Variants in KIAA1328 observed in about 807,000 individuals in gnomAD.
The protein encoded by KIAA1328 is protein hinderin.
A neutral mutation model predicts 68.1 loss-of-function variants in KIAA1328; 52 were observed. The ratio of observed to expected loss-of-function variants is 0.76; its 90% CI spans 0.61 to 0.96. The LOEUF (loss-of-function observed/expected upper bound fraction) is 0.96, where lower values mean the gene tolerates loss of function less well. Ranked by LOEUF, KIAA1328 falls within the 40% of genes least tolerant of loss-of-function variation. The probability of loss-of-function intolerance (pLI) is 0.00; values close to 1 mark genes in which losing one functional copy is unlikely to be tolerated. For missense variants in KIAA1328, 641 were observed against 677.6 expected (o/e 0.95, Z 0.60); for synonymous variants, 232 against 239.4 (o/e 0.97, Z 0.28).
Position 37,016,245 on chromosome 18 carries a change from C to T in KIAA1328, c.577-50645C>T, listed in dbSNP as rs77842414. 9.1e-3 allele frequency among the ~76,000 whole-genome samples: 1,381 copies of T among 152,170 alleles called. 29 individuals carry two copies. Among genetic ancestry groups the T allele is most frequent in the African/African-American group, 0.031 (1,299 of 41,534 alleles). Reference sequence around the variant, plus strand: ...TTATTGAAAGCTATTTTGCATCTATCGAGATGATCATATGGTTTTTGTTTT... The same window carrying T: ...TTATTGAAAGCTATTTTGCATCTATTGAGATGATCATATGGTTTTTGTTTT... On this transcript the variant is annotated intron_variant, in intron 6 of 9. Coordinates refer to ENST00000280020, the MANE Select transcript of KIAA1328 (RefSeq NM_020776.3).
chr18:36,951,596 T>C (rs1568205539), intron 5 of KIAA1328, among the ~76,000 whole-genome samples: 2 of 152,138 alleles, frequency 1.3e-5, no homozygotes, highest in African/African-American at 2.4e-5. Context: ...TTTTCTGAAT[T>C]TCACGCCCAG....
At chr18:37,193,402 G>A (rs894899506) in intron 9 of KIAA1328, among the ~76,000 whole-genome samples, 3 of 152,190 alleles carry the variant, frequency 2.0e-5, no homozygotes, top group African/African-American at 7.2e-5. Flanking sequence ...AAAGAGTATA[G>A]TCTCATCAGT....
chr18:36,831,303 CT>C lies in KIAA1328; in HGVS notation c.58+2117del, dbSNP rs569059575. On this transcript the variant is annotated intron_variant, in intron 1 of 9. Transcript: ENST00000280020. ...CAGATCATCTGTGACTCAATGGCAC[CT>C]TTTTTTTTTATTGTTGTTGTTGTGA... 8.4e-4 allele frequency among the ~76,000 whole-genome samples: 124 copies of C among 147,876 alleles called. 1 individual carries two copies. The highest frequency in any genetic ancestry group is 1.8e-3 in the African/African-American group (74 of 40,468).
intron 8 of KIAA1328, among the ~76,000 whole-genome samples, chr18:37,164,810 T>A (rs1368896531): frequency 6.6e-6 from 1 of 152,102 alleles, no homozygotes; most frequent in Non-Finnish European, 1.5e-5. Flanking sequence ...CGGGGAGGGT[T>A]CTATTGTCTT....
chr18:37,213,473 T>C (rs1370319033), intron 9 of KIAA1328, among the ~76,000 whole-genome samples: 1 of 152,230 alleles, frequency 6.6e-6, no homozygotes. Context: ...ACAAAGGAGA[T>C]GAACTCATCC....
downstream of KIAA1328, among the ~76,000 whole-genome samples, chr18:37,227,391 G>GT (rs1404790892): frequency 6.6e-6 from 1 of 152,204 alleles, no homozygotes; most frequent in Admixed American, 6.5e-5. Context: ...GAGGACTTCC[G>GT]TAACTAGAGA....
At chr18:36,880,219 C>T (rs2048284130) in intron 4 of KIAA1328, among the ~76,000 whole-genome samples, 1 of 152,168 alleles carries the variant, frequency 6.6e-6, no homozygotes, top group Non-Finnish European at 1.5e-5. Flanking sequence ...AGCATAGTAC[C>T]TGGGTCAGAC....
At chr18:36,987,619 G>A (rs1490256592) in intron 6 of KIAA1328, among the ~76,000 whole-genome samples, 1 of 152,094 alleles carries the variant, frequency 6.6e-6, no homozygotes, top group Non-Finnish European at 1.5e-5. Context: ...GTAGATTAGT[G>A]CTTGCATAGT....
chr18:36,857,731 A>G (rs561125630), intron 4 of KIAA1328, among the ~76,000 whole-genome samples: 1 of 152,274 alleles, frequency 6.6e-6, no homozygotes, highest in East Asian at 1.9e-4. Context: ...GTGAAGAGAA[A>G]TTTTTGGAGC....
At chr18:36,941,623 TATTA>T (rs764734611) in intron 5 of KIAA1328, among the ~76,000 whole-genome samples, 73 of 152,182 alleles carry the variant, frequency 4.8e-4, no homozygotes, top group Non-Finnish European at 8.8e-4. Context: ...TGTATATAAA[TATTA>T]ATTAATTAAA....
At chr18:36,959,557 T>C in intron 6 of KIAA1328, 122 bp downstream of exon 6, 1 of 1,035,052 alleles carries the variant, frequency 9.7e-7, no homozygotes, top group Non-Finnish European at 1.4e-6. Context: ...ATGTAGCCAC[T>C]GCGTGTGATT....
At chr18:37,185,925 A>G (rs1428672080) in intron 9 of KIAA1328, among the ~76,000 whole-genome samples, 1 of 151,892 alleles carries the variant, frequency 6.6e-6, no homozygotes, top group East Asian at 1.9e-4. Context: ...TAACCATAAA[A>G]ATTATCGTTA....
intron 5 of KIAA1328, among the ~76,000 whole-genome samples, chr18:36,933,164 T>A (rs975550849): frequency 1.3e-5 from 2 of 152,170 alleles, no homozygotes; most frequent in African/African-American, 4.8e-5. Flanking sequence ...TGAAGGTCTC[T>A]TGTTATAAAT....
At chr18:37,190,865 C>G (rs981854951) in intron 9 of KIAA1328, among the ~76,000 whole-genome samples, 4 of 152,294 alleles carry the variant, frequency 2.6e-5, no homozygotes, top group Middle Eastern at 3.4e-3. Flanking sequence ...AGTGACACCT[C>G]TTGTGTTTCA....
intron 6 of KIAA1328, among the ~76,000 whole-genome samples, chr18:36,968,985 CT>C (rs2052059673): frequency 6.6e-6 from 1 of 152,096 alleles, no homozygotes; most frequent in South Asian, 2.1e-4. Flanking sequence ...CCAAGAAGAT[CT>C]TTGAAAACTA....
chr18:36,877,810 G>C (rs1265875480), intron 4 of KIAA1328, among the ~76,000 whole-genome samples: 4 of 151,666 alleles, frequency 2.6e-5, no homozygotes, highest in Non-Finnish European at 5.9e-5. Context: ...GGGACTACAG[G>C]CGCCCGCCAC....
At chr18:37,194,261 T>G (rs746867502) in intron 9 of KIAA1328, among the ~76,000 whole-genome samples, 20 of 152,310 alleles carry the variant, frequency 1.3e-4, no homozygotes, top group Admixed American at 2.6e-4. Context: ...TCTGACACCT[T>G]TTACAATGTA....
At chr18:37,008,941 T>C (rs1381038965) in intron 6 of KIAA1328, among the ~76,000 whole-genome samples, 1 of 152,160 alleles carries the variant, frequency 6.6e-6, no homozygotes, top group Non-Finnish European at 1.5e-5. Flanking sequence ...GTCTAACTTT[T>C]ATGTCATTGG....
chr18:36,879,073 T>C (rs1296918973), intron 4 of KIAA1328, among the ~76,000 whole-genome samples: 2 of 152,312 alleles, frequency 1.3e-5, no homozygotes, highest in African/African-American at 4.8e-5. Context: ...TGAGGAGTTG[T>C]GATCCTTTGG....
Sources: allele counts gnomAD v4.1 joint callset (sites outside exome capture counted in the v4.1 genomes callset), GRCh38; gene constraint gnomAD v4.1.1; transcripts MANE v1.5; gene names NCBI Gene and HGNC (gene_info 2026-07-23, HGNC 2026-07-21).